The following PLCG2 variants were observed in gnomAD, a reference collection of about 807,000 sequenced individuals.
The protein encoded by PLCG2 is phospholipase C gamma 2.
Under a neutral mutation model 175.6 loss-of-function variants are expected in PLCG2, and 69 were observed. That is an observed-to-expected ratio of 0.39 (90% CI 0.32 to 0.48). PLCG2 has a LOEUF of 0.48. PLCG2 is among the 20% of genes least tolerant of loss of function. The pLI, the probability that PLCG2 is intolerant of heterozygous loss-of-function variation, is 0.91. For missense variants in PLCG2, 1,798 were observed against 1,650.9 expected (o/e 1.09, Z -1.54); for synonymous variants, 827 against 624.0 (o/e 1.33, Z -4.85).
At chr16:81,763,919 A>AT (rs1910091159) in intron 2 of PLCG2, among the ~76,000 whole-genome samples, 1 of 151,950 alleles carries the variant, frequency 6.6e-6, no homozygotes, top group Admixed American at 6.6e-5. Context: ...GTGAGCCAAG[A>AT]TTTTGCCACT....
intron 2 of PLCG2, among the ~76,000 whole-genome samples, chr16:81,806,055 C>T (rs1411042273): frequency 6.6e-6 from 1 of 151,924 alleles, no homozygotes; most frequent in African/African-American, 2.4e-5. Flanking sequence ...ATTATTTCAA[C>T]ATGTATGCAA....
intron 2 of PLCG2, among the ~76,000 whole-genome samples, chr16:81,836,356 C>T (rs1287253272): frequency 1.3e-5 from 2 of 152,212 alleles, no homozygotes; most frequent in Non-Finnish European, 2.9e-5. Flanking sequence ...CGTATTCCCA[C>T]TGGTGGAGCC....
rs767593863 is a variant in PLCG2, at chr16:81,927,150, C to T, written c.2486C>T (p.Thr829Ile). ...TCCAACTACGTCGAGGACATCTCAACTGCAGACTTCGAGGAGCTAGAAAAG... is the reference window on the plus strand; with the variant it reads ...TCCAACTACGTCGAGGACATCTCAATTGCAGACTTCGAGGAGCTAGAAAAG... ...FPSNYVEDIS[T>I]ADFEELEKQI... Residue 829 changes from threonine to isoleucine, a missense_variant, in exon 23 of 33, where the codon ACT becomes ATT. Thr to Ile is a moderately conservative substitution (Grantham distance 89). Transcript: ENST00000564138. 2.6e-5 allele frequency: 42 copies of T among 1,613,202 alleles called. 1 individual carries two copies. Among genetic ancestry groups the T allele is most frequent in the Admixed American group, 6.7e-5 (4 of 59,998 alleles).
Position 81,785,998 on chromosome 16 carries a change from C to T in PLCG2, c.9C>T (p.Thr3=), listed in dbSNP as rs769990892. 2 of 1,613,572 alleles carry T rather than the reference C, an allele frequency of 1.2e-6. No homozygotes were observed. Among genetic ancestry groups the T allele is most frequent in the Non-Finnish European group, 1.7e-6 (2 of 1,179,630 alleles). MS[T]TVNVDSLAEY... The stretch of plus-strand genomic sequence containing the variant: ...CCCTGGAGCGGCCGACAATGTCCAC[C>T]ACGGTCAATGTAGATTCCCTTGCGG... The change falls in exon 2 of 33, where the codon ACC becomes ACT. Residue 3 remains threonine (T), a synonymous_variant. Transcript: ENST00000564138.
chr16:81,919,406 C>G lies in PLCG2; in HGVS notation c.2055-78C>G. ...CTAAGGCTGGATAACTAGGTTGTAT[C>G]TAATCAGTAGGGTTTGTGTAAAAAT... On this transcript the variant is annotated intron_variant, in intron 19 of 32. Transcript: ENST00000564138. 4 of 1,120,954 alleles carry G rather than the reference C, an allele frequency of 3.6e-6. No homozygotes were observed. The South Asian group carries it at 4.1e-5, about 11-fold the overall frequency. The allele number at this position is 1,120,954 out of a possible 1,614,324, so 69.4% of individuals were successfully genotyped here.
chr16:81,860,705 G>A (rs576949179), intron 5 of PLCG2, among the ~76,000 whole-genome samples: 2 of 152,150 alleles, frequency 1.3e-5, no homozygotes, highest in Non-Finnish European at 2.9e-5. Context: ...GCGCAGTGGT[G>A]TACACCTATA....
chr16:81,761,830 T>C (rs940097016), intron 2 of PLCG2, among the ~76,000 whole-genome samples: 3 of 122,730 alleles, frequency 2.4e-5, no homozygotes, highest in African/African-American at 1.1e-4. Context: ...ACCCTGCACA[T>C]TTTTTTTTTT....
At chr16:81,855,042 T>G (rs1013752930) in intron 3 of PLCG2, among the ~76,000 whole-genome samples, 1 of 151,872 alleles carries the variant, frequency 6.6e-6, no homozygotes, top group Non-Finnish European at 1.5e-5. Flanking sequence ...AAACCCTGTC[T>G]CTACTAAAAA....
intron 5 of PLCG2, 73 bp downstream of exon 5, chr16:81,859,236 G>A (rs919575310): frequency 2.0e-6 from 2 of 991,052 alleles, no homozygotes; most frequent in Non-Finnish European, 3.2e-6. Flanking sequence ...CTTCCAAGGG[G>A]GTGGGAGCAT....
chr16:81,817,278 G>A lies in PLCG2; in HGVS notation c.193+31096G>A, dbSNP rs180681486. ...GAAGGACTATGCATCCATCCCCCAT[G>A]TATAAAATGGGAATAATATTAGTAC... On this transcript the variant is annotated intron_variant, in intron 2 of 32. Transcript: ENST00000564138. Among the ~76,000 whole-genome samples the A allele has an allele frequency of 5.9e-5, 9 of 152,352 alleles. No individual in the cohort carries two copies. In the East Asian group the frequency reaches 1.5e-3, roughly 26 times the overall value.
At chr16:81,828,807 G>A (rs1597341668) in intron 2 of PLCG2, among the ~76,000 whole-genome samples, 1 of 152,294 alleles carries the variant, frequency 6.6e-6, no homozygotes, top group East Asian at 1.9e-4. Context: ...TACATAGAAG[G>A]TTTCAACAAA....
intron 31 of PLCG2, among the ~76,000 whole-genome samples, chr16:81,948,058 G>GAGTTA (rs1269980793): frequency 1.4e-5 from 2 of 144,118 alleles, no homozygotes; most frequent in African/African-American, 4.9e-5. Context: ...TACTAACGGA[G>GAGTTA]AGTCAAGTCG....
intron 13 of PLCG2, among the ~76,000 whole-genome samples, chr16:81,897,552 T>TC (rs1314279584): frequency 1.3e-5 from 2 of 148,864 alleles, no homozygotes; most frequent in Non-Finnish European, 3.0e-5. Flanking sequence ...TCTTTTCTTT[T>TC]TTTTTTTTTT....
At position 81,880,785 on chromosome 16, in the gene PLCG2, A is replaced by G. The variant is rs531211286; in HGVS notation, c.649-125A>G. Reference sequence around the variant, plus strand: ...ATATTTACAACTAACATCAACTAAAATGATATTTTTAATGATCTTGTTGCA... The same window carrying G: ...ATATTTACAACTAACATCAACTAAAGTGATATTTTTAATGATCTTGTTGCA... On this transcript the variant is annotated intron_variant, in intron 7 of 32. Coordinates refer to ENST00000564138, the MANE Select transcript of PLCG2 (RefSeq NM_002661.5). The G allele has an allele frequency of 7.9e-5, 66 of 833,808 alleles. No individual in the cohort carries two copies. The Admixed American group carries it at 9.0e-4, about 11-fold the overall frequency. The allele number at this position is 833,808 out of a possible 1,614,324, so 51.7% of individuals were successfully genotyped here.
At chr16:81,838,748 A>C (rs1905657474) in intron 2 of PLCG2, among the ~76,000 whole-genome samples, 1 of 149,760 alleles carries the variant, frequency 6.7e-6, no homozygotes, top group South Asian at 2.1e-4. Context: ...CACGTTCCGC[A>C]CATGTATCCC....
At chr16:81,763,043 T>C (rs1458902911) in intron 2 of PLCG2, among the ~76,000 whole-genome samples, 2 of 152,068 alleles carry the variant, frequency 1.3e-5, no homozygotes, top group African/African-American at 4.8e-5. Flanking sequence ...GGCAACAGAG[T>C]GAGACCCTGT....
intron 5 of PLCG2, 96 bp downstream of exon 5, chr16:81,859,259 G>A: frequency 2.5e-6 from 2 of 800,590 alleles, no homozygotes; most frequent in Non-Finnish European, 4.4e-6. Flanking sequence ...CTTGTCGGGA[G>A]CAAGGTCCTC....
At chr16:81,779,199 G>C (rs1910610614), upstream of PLCG2, 1 of 152,084 alleles carries the variant, frequency 6.6e-6, no homozygotes, top group African/African-American at 2.4e-5. Context: ...GGACCCGGCT[G>C]GGCGCGCCTG....
chr16:81,803,633 T>TTCCCTCCCTCCCTCCCTCCCTCCCTCCC (rs61352183), intron 2 of PLCG2, among the ~76,000 whole-genome samples: 1 of 88,572 alleles, frequency 1.1e-5, no homozygotes, highest in Non-Finnish European at 2.3e-5. Context: ...TCTTTTCTTC[T>TTCCCTCCCTCCCTCCCTCCCTCCCTCCC]TCCCTCCCTC....
Sources: allele counts gnomAD v4.1 joint callset (sites outside exome capture counted in the v4.1 genomes callset), GRCh38; gene constraint gnomAD v4.1.1; transcripts MANE v1.5; gene names NCBI Gene and HGNC (gene_info 2026-07-23, HGNC 2026-07-21).